Variants in RASSF3 observed in about 807,000 individuals in gnomAD.
The protein encoded by RASSF3 is ras association domain-containing protein 3.
In RASSF3, 19 loss-of-function variants were observed where a neutral mutation model predicts 19.9. The ratio of observed to expected loss-of-function variants is 0.96; its 90% confidence interval spans 0.67 to 1.40. The LOEUF (loss-of-function observed/expected upper bound fraction) is 1.40. RASSF3 is among the 40% of genes most tolerant of loss of function. The pLI is 0.00. For missense variants in RASSF3, 306 were observed against 289.8 expected (o/e 1.06, Z -0.41); for synonymous variants, 110 against 104.2 (o/e 1.06, Z -0.34).
At position 64,690,143 on chromosome 12, in the gene RASSF3, A is replaced by G. The variant is rs188257027; in HGVS notation, c.458-1327A>G. On this transcript the variant is annotated intron_variant, in intron 3 of 4. Transcript: ENST00000542104. The stretch of plus-strand genomic sequence containing the variant: ...ATTTGCTTTTAGAACTCTTGTTTTT[A>G]TGTTCTTTGGATGGTATATACATTT... Among the ~76,000 whole-genome samples, 29 of 149,852 alleles carry G rather than the reference A, an allele frequency of 1.9e-4. No individual in the cohort carries two copies. The East Asian group carries it at 4.7e-3, about 24-fold the overall frequency.
chr12:64,591,320 C>A (rs959059022), intron 2 of RASSF3, among the ~76,000 whole-genome samples: 1 of 152,064 alleles, frequency 6.6e-6, no homozygotes, highest in Non-Finnish European at 1.5e-5. Context: ...ACTAAAAATA[C>A]AAAAAATTAG....
rs71092982 is a variant in RASSF3, at chr12:64,561,987, GTATT to G, written c.294+20316_294+20319del. Among the ~76,000 whole-genome samples the G allele has an allele frequency of 8.9e-3, 1,204 of 135,426 alleles. 18 individuals are homozygous for G. The highest frequency in any genetic ancestry group is 0.03 in the African/African-American group (1,130 of 37,962). 88.8% of individuals were successfully genotyped at this position (135,426 alleles called of 152,430 possible). Reference sequence around the variant, plus strand: ...CATGAGCCACTGTGCATGGCCCATAGTATTTATTTATTTATTTATTTATTTATTT... The same window carrying G: ...CATGAGCCACTGTGCATGGCCCATAGTATTTATTTATTTATTTATTTATTT... On this transcript the variant is annotated intron_variant, in intron 2 of 5. Coordinates refer to the RASSF3 transcript ENST00000637125.
At chr12:64,663,758 G>A (rs1260288477) in intron 1 of RASSF3, among the ~76,000 whole-genome samples, 2 of 151,376 alleles carry the variant, frequency 1.3e-5, no homozygotes, top group South Asian at 2.1e-4. Context: ...TGCCCACCTC[G>A]GCCTCTCAAA....
chr12:64,603,997 G>T (rs1373313655), intron 2 of RASSF3, among the ~76,000 whole-genome samples: 6 of 150,552 alleles, frequency 4.0e-5, no homozygotes, highest in Non-Finnish European at 8.9e-5. Flanking sequence ...ATAGGCATAC[G>T]CCACCACGCC....
In RASSF3 at chr12:64,610,521, A is replaced by T; in HGVS notation, c.-112A>T. 1 of 375,076 alleles carries T rather than the reference A, an allele frequency of 2.7e-6. No homozygotes were observed. Among genetic ancestry groups the T allele is most frequent in the Non-Finnish European group, 4.5e-6 (1 of 223,880 alleles). 23.2% of individuals were successfully genotyped at this position (375,076 alleles called of 1,614,324 possible). ...ATTGAGCGGCGGCCGCAGCTGCATA[A>T]GGACTGCCCGGGGCTGCGCGCCGGG... On this transcript the variant is annotated 5_prime_UTR_variant, in exon 1 of 5. The change creates a new upstream start codon in the 5' untranslated region. Transcript: ENST00000542104.
intron 2 of RASSF3, among the ~76,000 whole-genome samples, chr12:64,575,488 G>T (rs191223883): frequency 6.6e-6 from 1 of 152,290 alleles, no homozygotes; most frequent in East Asian, 1.9e-4. Context: ...AGGAGTTCAA[G>T]GCTGTAATGC....
At chr12:64,676,308 C>T (rs1872899636) in intron 1 of RASSF3, among the ~76,000 whole-genome samples, 1 of 151,090 alleles carries the variant, frequency 6.6e-6, no homozygotes, top group South Asian at 2.1e-4. Context: ...TGAGGGACTA[C>T]AGGCATGTGC....
At chr12:64,565,783 C>T (rs1869418955) in intron 2 of RASSF3, among the ~76,000 whole-genome samples, 1 of 151,334 alleles carries the variant, frequency 6.6e-6, no homozygotes, top group African/African-American at 2.4e-5. Context: ...CTAGGGGGTG[C>T]TGAGGCAGGA....
At chr12:64,538,912 G>A (rs1422916375) in intron 1 of RASSF3, among the ~76,000 whole-genome samples, 4 of 151,950 alleles carry the variant, frequency 2.6e-5, no homozygotes, top group African/African-American at 9.7e-5. Context: ...CAGGCCTGGT[G>A]GTGCATGCCT....
At chr12:64,537,138 C>T (rs1186403397) in intron 1 of RASSF3, among the ~76,000 whole-genome samples, 1 of 152,202 alleles carries the variant, frequency 6.6e-6, no homozygotes, top group African/African-American at 2.4e-5. Flanking sequence ...CCCTATCTCT[C>T]TGACTTTTCC....
At position 64,556,312 on chromosome 12, in the gene RASSF3, C is replaced by A. The variant is rs561655046; in HGVS notation, c.294+14607C>A. Among the ~76,000 whole-genome samples, 11 of 152,234 alleles carry A rather than the reference C, an allele frequency of 7.2e-5. No homozygotes were observed. The South Asian group carries it at 2.1e-3, about 29-fold the overall frequency. On this transcript the variant is annotated intron_variant, in intron 2 of 5. Transcript: ENST00000637125. ...TGGGACTGCAGGCATGCACACCACA[C>A]CCAGCTAATTTTTTGGTATTTTTTT...
At chr12:64,606,256 C>T (rs919720962), upstream of RASSF3, among the ~76,000 whole-genome samples, 4 of 152,150 alleles carry the variant, frequency 2.6e-5, no homozygotes, top group Non-Finnish European at 4.4e-5. Context: ...TGACTCTGCA[C>T]GTCAGGCCTT....
At chr12:64,581,438 T>C (rs1869694687) in intron 2 of RASSF3, among the ~76,000 whole-genome samples, 1 of 152,152 alleles carries the variant, frequency 6.6e-6, no homozygotes, top group Non-Finnish European at 1.5e-5. Context: ...AAAGTAGTCA[T>C]GCTTTTCAAG....
rs146159103 is a variant in RASSF3, at chr12:64,551,274, C to T, written c.294+9569C>T. Among the ~76,000 whole-genome samples, 22 of 152,198 alleles carry T rather than the reference C, an allele frequency of 1.4e-4. No homozygotes were observed. The East Asian group carries it at 3.5e-3, about 24-fold the overall frequency. ...TCATCCATAAAATGTATGTAATAGG[C>T]GGGCACTATAACATGCAAAATGTAT... On this transcript the variant is annotated intron_variant, in intron 2 of 5. Transcript: ENST00000637125.
intron 2 of RASSF3, among the ~76,000 whole-genome samples, chr12:64,559,731 G>T (rs1360962627): frequency 3.3e-5 from 5 of 152,180 alleles, no homozygotes; most frequent in Non-Finnish European, 7.3e-5. Context: ...CTTATCAGGG[G>T]CCTGTGTCCC....
chr12:64,561,902 T>G (rs1261794000), intron 2 of RASSF3, among the ~76,000 whole-genome samples: 3 of 151,902 alleles, frequency 2.0e-5, no homozygotes, highest in Non-Finnish European at 4.4e-5. Flanking sequence ...CAGGTTGGTC[T>G]CAAAGTCTTG....
chr12:64,615,203 AC>A (rs1256563428), intron 1 of RASSF3, among the ~76,000 whole-genome samples: 1 of 152,240 alleles, frequency 6.6e-6, no homozygotes, highest in Non-Finnish European at 1.5e-5. Flanking sequence ...ACCTGTAAAT[AC>A]AGGACACATT....
intron 1 of RASSF3, among the ~76,000 whole-genome samples, chr12:64,541,196 G>A (rs1325459142): frequency 6.6e-6 from 1 of 152,054 alleles, no homozygotes; most frequent in East Asian, 1.9e-4. Flanking sequence ...ATGTTGCCCA[G>A]GCTGGTATTG....
intron 1 of RASSF3, among the ~76,000 whole-genome samples, chr12:64,617,406 T>A (rs984479985): frequency 6.6e-6 from 1 of 152,218 alleles, no homozygotes; most frequent in Non-Finnish European, 1.5e-5. Context: ...TGGCCTCTTT[T>A]GGCAATGTTT....
Sources: gnomAD v4.1 joint callset for allele counts (sites outside exome capture counted in the v4.1 genomes callset) on GRCh38, gnomAD v4.1.1 for gene constraint, MANE v1.5 for transcripts, NCBI Gene and HGNC (gene_info 2026-07-23, HGNC 2026-07-21) for gene names.